ADGRB3: variants seen among roughly 807,000 people sequenced by gnomAD.
The protein encoded by ADGRB3 is adhesion G protein-coupled receptor B3.
ADGRB3 carries 37 observed loss-of-function variants against 193.4 expected under a neutral mutation model. That is an observed-to-expected ratio of 0.19 (90% CI 0.15 to 0.25). ADGRB3 has a LOEUF of 0.25. ADGRB3 is among the 10% of genes least tolerant of loss of function. ADGRB3 has a pLI of 1.00. For missense variants in ADGRB3, 1,637 were observed against 1,852.9 expected (o/e 0.88, Z 2.14); for synonymous variants, 690 against 644.2 (o/e 1.07, Z -1.08).
chr6:69,098,930 A>G (rs1310776348), intron 17 of ADGRB3, among the ~76,000 whole-genome samples: 1 of 152,206 alleles, frequency 6.6e-6, no homozygotes, highest in Non-Finnish European at 1.5e-5. Context: ...GTGCCAACTA[A>G]TTCTCTGAGA....
chr6:68,842,804 A>C (rs1407775882), intron 3 of ADGRB3, among the ~76,000 whole-genome samples: 2 of 152,048 alleles, frequency 1.3e-5, no homozygotes, highest in African/African-American at 4.8e-5. Flanking sequence ...TCAACAATAC[A>C]TTAGAAAGAT....
intron 3 of ADGRB3, among the ~76,000 whole-genome samples, chr6:68,881,942 T>C (rs1765745674): frequency 6.6e-6 from 1 of 152,344 alleles, no homozygotes; most frequent in African/African-American, 2.4e-5. Flanking sequence ...TCGAGATTTT[T>C]ATGTACACAG....
intron 17 of ADGRB3, among the ~76,000 whole-genome samples, chr6:69,172,468 C>T (rs1388898327): frequency 6.6e-6 from 1 of 151,034 alleles, no homozygotes; most frequent in Non-Finnish European, 1.5e-5. Flanking sequence ...ACGGTGAAAC[C>T]CCGTCTCTAC....
At chr6:68,738,467 T>A (rs145631285) in intron 3 of ADGRB3, among the ~76,000 whole-genome samples, 93 of 152,112 alleles carry the variant, frequency 6.1e-4, no homozygotes, top group African/African-American at 1.9e-3. Context: ...GGAAATAAGT[T>A]GGGAGGCTAT....
At chr6:69,131,129 A>G (rs1329111562) in intron 17 of ADGRB3, among the ~76,000 whole-genome samples, 1 of 152,088 alleles carries the variant, frequency 6.6e-6, no homozygotes, top group Non-Finnish European at 1.5e-5. Context: ...AGCTTGAAAT[A>G]AAAAAAGAAT....
Position 68,993,836 on chromosome 6 carries a change from A to G in ADGRB3, c.1803A>G (p.Thr601=), listed in dbSNP as rs991273430. The G allele has an allele frequency of 1.9e-6, 3 of 1,614,006 alleles. No homozygotes were observed. In the African/African-American group the frequency reaches 4.0e-5, roughly 22 times the overall value. The change falls in exon 11 of 32, where the codon ACA becomes ACG. Residue 601 remains threonine, a synonymous_variant. Coordinates refer to ENST00000370598, the MANE Select transcript of ADGRB3 (RefSeq NM_001704.3). ...AGDGMSQVTK[T]LLDLTQRKNF... The stretch of plus-strand genomic sequence containing the variant: ...ATGGAATGTCCCAGGTGACCAAGAC[A>G]CTGTTGGATTTAACTCAGAGAAAAA...
At chr6:69,033,145 C>G (rs1297571031) in intron 13 of ADGRB3, among the ~76,000 whole-genome samples, 1 of 152,082 alleles carries the variant, frequency 6.6e-6, no homozygotes, top group African/African-American at 2.4e-5. Flanking sequence ...ATATTATGAC[C>G]AATCTAGAAA....
intron 17 of ADGRB3, chr6:69,232,670 A>G (rs1201124854): frequency 1.3e-6 from 2 of 1,507,626 alleles, no homozygotes; most frequent in Admixed American, 3.9e-5. Context: ...GGCAAAGGCA[A>G]TGAGAGTCGG....
intron 3 of ADGRB3, among the ~76,000 whole-genome samples, chr6:68,871,861 C>T (rs1307521092): frequency 6.6e-6 from 1 of 151,956 alleles, no homozygotes; most frequent in Non-Finnish European, 1.5e-5. Context: ...TAAAATCTAC[C>T]TAAAGGCGAG....
In ADGRB3 at chr6:68,845,634, TA is replaced by T. The variant is rs375444739; in HGVS notation, c.758-84924del. ...TAAGTGTCACGAGATCTGATGGGTT[TA>T]TCAGGTGTTTCTGCTTTTGCTTCTT... On this transcript the variant is annotated intron_variant, in intron 3 of 31. Transcript: ENST00000370598. 2.2e-4 allele frequency among the ~76,000 whole-genome samples: 33 copies of T among 152,294 alleles called. No individual in the cohort carries two copies. The East Asian group carries it at 6.4e-3, about 29-fold the overall frequency.
intron 17 of ADGRB3, among the ~76,000 whole-genome samples, chr6:69,134,976 ACT>A (rs1280350045): frequency 2.0e-5 from 3 of 151,754 alleles, no homozygotes; most frequent in Admixed American, 6.6e-5. Flanking sequence ...TATAAAACAA[ACT>A]CTGTTTTAGT....
intron 6 of ADGRB3, among the ~76,000 whole-genome samples, chr6:68,950,108 T>C (rs1767875957): frequency 6.6e-6 from 1 of 152,054 alleles, no homozygotes; most frequent in South Asian, 2.1e-4. Flanking sequence ...CAGGCTGGAG[T>C]GCAGTGGCAT....
chr6:68,898,248 G>T (rs926325323), intron 3 of ADGRB3, among the ~76,000 whole-genome samples: 2 of 151,932 alleles, frequency 1.3e-5, no homozygotes, highest in African/African-American at 4.8e-5. Context: ...ATGTCTAAGG[G>T]CAGGAGAAGA....
At chr6:69,219,487 A>ATATATATATG (rs1455210313) in intron 17 of ADGRB3, among the ~76,000 whole-genome samples, 22 of 140,540 alleles carry the variant, frequency 1.6e-4, no homozygotes, top group Non-Finnish European at 3.0e-4. Flanking sequence ...ATATATATAT[A>ATATATATATG]TATATACGTG....
In ADGRB3 at chr6:69,031,032, CTCTTCTCTCT is replaced by C. The variant is rs1449377245; in HGVS notation, c.2107+12537_2107+12546del. On this transcript the variant is annotated intron_variant, in intron 13 of 31. Coordinates refer to ENST00000370598, the MANE Select transcript of ADGRB3 (RefSeq NM_001704.3). ...TTTCTTTTCTTTTTTTTTTCCTCTT[CTCTTCTCTCT>C]TCTCTTCTCTTCTCTTCTCTTCTCT... Among the ~76,000 whole-genome samples, 31 of 38,182 alleles carry C rather than the reference CTCTTCTCTCT, an allele frequency of 8.1e-4. 4 individuals are homozygous for C. The highest frequency in any genetic ancestry group is 4.0e-3 in the African/African-American group (30 of 7,504). The allele number at this position is 38,182 out of a possible 152,430, so 25.0% of individuals were successfully genotyped here. A position where few individuals can be genotyped will look rare whatever the true frequency, so the allele number is the denominator to read the frequency against.
chr6:68,772,508 A>C (rs1348999328), intron 3 of ADGRB3, among the ~76,000 whole-genome samples: 7 of 152,078 alleles, frequency 4.6e-5, no homozygotes, highest in Non-Finnish European at 7.3e-5. Flanking sequence ...GCTTTAAAAA[A>C]GCATCTGAGA....
chr6:68,903,214 G>C (rs987732144), intron 3 of ADGRB3, among the ~76,000 whole-genome samples: 1 of 152,086 alleles, frequency 6.6e-6, no homozygotes. Context: ...AACAGTCAAT[G>C]ACGGGACAAA....
chr6:68,790,171 T>G (rs984678925), intron 3 of ADGRB3, among the ~76,000 whole-genome samples: 1 of 152,192 alleles, frequency 6.6e-6, no homozygotes, highest in African/African-American at 2.4e-5. Context: ...TCATTTTCCT[T>G]ATCACCAGGG....
chr6:68,750,450 T>C (rs1264323900), intron 3 of ADGRB3, among the ~76,000 whole-genome samples: 1 of 152,226 alleles, frequency 6.6e-6, no homozygotes, highest in African/African-American at 2.4e-5. Flanking sequence ...AAAATGAACC[T>C]ATTAATTTGA....
Sources: gnomAD v4.1 joint callset for allele counts (sites outside exome capture counted in the v4.1 genomes callset) on GRCh38, gnomAD v4.1.1 for gene constraint, MANE v1.5 for transcripts, NCBI Gene and HGNC (gene_info 2026-07-23, HGNC 2026-07-21) for gene names.